CDH13: variants seen among roughly 807,000 people sequenced by gnomAD.
The protein encoded by CDH13 is cadherin 13, also known as cadherin-13.
In CDH13, 24 loss-of-function variants were observed where a neutral mutation model predicts 63.8. The observed-to-expected ratio is 0.38, with a 90% CI of 0.27 to 0.53. The LOEUF is 0.53. CDH13 is among the 20% of genes least tolerant of loss of function. The probability of loss-of-function intolerance (pLI) is 0.85; values close to 1 mark genes in which losing one functional copy is unlikely to be tolerated. For missense variants in CDH13, 1,049 were observed against 903.1 expected (o/e 1.16, Z -2.07); for synonymous variants, 503 against 355.3 (o/e 1.42, Z -4.67).
intron 1 of CDH13, among the ~76,000 whole-genome samples, chr16:82,802,089 A>T (rs887457955): frequency 7.1e-6 from 1 of 141,712 alleles, no homozygotes; most frequent in Non-Finnish European, 1.5e-5. Context: ...GGGGCAGCTC[A>T]CTGGGTTATT....
At chr16:82,977,341 C>A (rs1038127301) in intron 2 of CDH13, among the ~76,000 whole-genome samples, 1 of 152,164 alleles carries the variant, frequency 6.6e-6, no homozygotes, top group Non-Finnish European at 1.5e-5. Flanking sequence ...ATTTTACCAT[C>A]AGCATTAAGT....
At chr16:83,387,198 A>T (rs951839106) in intron 6 of CDH13, among the ~76,000 whole-genome samples, 3 of 152,140 alleles carry the variant, frequency 2.0e-5, no homozygotes, top group African/African-American at 7.2e-5. Flanking sequence ...GGAGGAGGCA[A>T]GGTACCCATT....
intron 6 of CDH13, among the ~76,000 whole-genome samples, chr16:83,423,781 C>T (rs2071792610): frequency 6.6e-6 from 1 of 152,132 alleles, no homozygotes; most frequent in Non-Finnish European, 1.5e-5. Flanking sequence ...TGTGCAAGTC[C>T]CCTTGTCCCT....
intron 1 of CDH13, among the ~76,000 whole-genome samples, chr16:82,795,804 G>T (rs1365655158): frequency 1.3e-5 from 2 of 152,202 alleles, no homozygotes; most frequent in Non-Finnish European, 1.5e-5. Context: ...AGTTTGTCTT[G>T]GGTCCTGATG....
At chr16:83,322,961 C>G (rs543809643) in intron 5 of CDH13, among the ~76,000 whole-genome samples, 140 of 152,002 alleles carry the variant, frequency 9.2e-4, no homozygotes, top group Non-Finnish European at 1.9e-3. Flanking sequence ...CCTGGCATCC[C>G]CATGGAACAT....
At chr16:83,409,772 A>G (rs2092100244) in intron 6 of CDH13, among the ~76,000 whole-genome samples, 2 of 152,322 alleles carry the variant, frequency 1.3e-5, no homozygotes, top group East Asian at 1.9e-4. Context: ...GGTACAATCC[A>G]TGATGTGCCA....
At chr16:83,602,118 A>AC (rs1907884551) in intron 7 of CDH13, among the ~76,000 whole-genome samples, 1 of 119,992 alleles carries the variant, frequency 8.3e-6, no homozygotes, top group African/African-American at 3.9e-5. Flanking sequence ...AAAAAAAAAA[A>AC]AAAAAAAAAA....
chr16:83,402,525 C>G (rs2091983710), intron 6 of CDH13, among the ~76,000 whole-genome samples: 2 of 152,226 alleles, frequency 1.3e-5, no homozygotes, highest in Non-Finnish European at 2.9e-5. Context: ...CTATGGCCTT[C>G]TCTTCATCAC....
At chr16:82,992,475 C>CAACCAGTCTGTA (rs1911765461) in intron 2 of CDH13, among the ~76,000 whole-genome samples, 1 of 152,094 alleles carries the variant, frequency 6.6e-6, no homozygotes, top group African/African-American at 2.4e-5. Flanking sequence ...GACTGGTTTA[C>CAACCAGTCTGTA]AACCAGTCAA....
chr16:83,670,462 G>A (rs1914400466), intron 8 of CDH13, among the ~76,000 whole-genome samples: 1 of 152,138 alleles, frequency 6.6e-6, no homozygotes, highest in South Asian at 2.1e-4. Context: ...GGGGTTTTGT[G>A]GTCCTCTGCA....
chr16:83,093,180 T>C (rs1188191750), intron 3 of CDH13, among the ~76,000 whole-genome samples: 1 of 152,000 alleles, frequency 6.6e-6, no homozygotes, highest in Non-Finnish European at 1.5e-5. Flanking sequence ...CTTCATTCCC[T>C]ACTCAGTTTC....
intron 6 of CDH13, among the ~76,000 whole-genome samples, chr16:83,443,620 C>T (rs1598032237): frequency 6.7e-6 from 1 of 149,848 alleles, no homozygotes; most frequent in Admixed American, 6.7e-5. Context: ...CCTGTAATCC[C>T]AGCACTTAGG....
At chr16:83,077,380 C>G (rs1237029330) in intron 3 of CDH13, among the ~76,000 whole-genome samples, 1 of 151,336 alleles carries the variant, frequency 6.6e-6, no homozygotes, top group East Asian at 2.0e-4. Flanking sequence ...TTTACTAGAT[C>G]TATGGTTTTG....
At chr16:83,698,109 T>G (rs1182035126) in intron 10 of CDH13, among the ~76,000 whole-genome samples, 6 of 152,238 alleles carry the variant, frequency 3.9e-5, no homozygotes, top group African/African-American at 1.2e-4. Flanking sequence ...AGGCACTCAA[T>G]ACATGTTTGT....
At chr16:82,915,583 G>A (rs1029720544) in intron 2 of CDH13, among the ~76,000 whole-genome samples, 3 of 152,032 alleles carry the variant, frequency 2.0e-5, no homozygotes, top group Non-Finnish European at 4.4e-5. Flanking sequence ...GTCGACAGGA[G>A]GAGGGAGAGT....
chr16:83,518,344 A>G lies in CDH13; in HGVS notation c.960+31689A>G, dbSNP rs2074747295. Among the ~76,000 whole-genome samples, 2 of 151,616 alleles carry G rather than the reference A, an allele frequency of 1.3e-5. 1 individual carries two copies. Among genetic ancestry groups the G allele is most frequent in the African/African-American group, 4.8e-5 (2 of 41,282 alleles). On this transcript the variant is annotated intron_variant, in intron 7 of 13. Coordinates refer to ENST00000567109, the MANE Select transcript of CDH13 (RefSeq NM_001257.5). ...TATTTTTTAGTAGAGACGGGGTTTC[A>G]TCGTGTTAGCCAGGATGGTCTCGAT...
intron 8 of CDH13, among the ~76,000 whole-genome samples, chr16:83,647,312 C>CAAAAA (rs772041222): frequency 1.3e-4 from 11 of 86,414 alleles, no homozygotes; most frequent in African/African-American, 4.5e-4. Context: ...GACTCTGTCT[C>CAAAAA]AAAAAAAAAA....
At chr16:83,693,916 G>C (rs1431307265) in intron 10 of CDH13, among the ~76,000 whole-genome samples, 1 of 152,184 alleles carries the variant, frequency 6.6e-6, no homozygotes, top group African/African-American at 2.4e-5. Context: ...TTTAGGATCT[G>C]GTTGAATGTT....
intron 1 of CDH13, among the ~76,000 whole-genome samples, chr16:82,721,101 T>C (rs1182211234): frequency 6.6e-6 from 1 of 152,196 alleles, no homozygotes; most frequent in African/African-American, 2.4e-5. Flanking sequence ...CTCAGTTAAT[T>C]TATTCAATGA....
Sources: allele counts gnomAD v4.1 joint callset (sites outside exome capture counted in the v4.1 genomes callset), GRCh38; gene constraint gnomAD v4.1.1; transcripts MANE v1.5; gene names NCBI Gene and HGNC (gene_info 2026-07-23, HGNC 2026-07-21).